RGS5: variants seen among roughly 807,000 people sequenced by gnomAD.
RGS5 encodes the protein regulator of G-protein signalling 5.
Under a neutral mutation model 18.9 loss-of-function variants are expected in RGS5, and 20 were observed. The ratio of observed to expected loss-of-function variants is 1.06; its 90% CI spans 0.74 to 1.54. The LOEUF is 1.54. Among genes scored for constraint, RGS5 ranks in the 40% most tolerant of loss-of-function variants. The pLI is 0.00. For synonymous variants in RGS5, 57 were observed against 76.2 expected, an observed-to-expected ratio of 0.75 and a Z score of 1.31; for missense variants, 201 against 211.8, an observed-to-expected ratio of 0.95 and a Z score of 0.32.
intron 1 of RGS5, among the ~76,000 whole-genome samples, chr1:163,216,827 C>G (rs1660227821): frequency 6.6e-6 from 1 of 152,158 alleles, no homozygotes; most frequent in Non-Finnish European, 1.5e-5. Flanking sequence ...TAAAGTCATT[C>G]TAAATGAAAC....
chr1:163,232,204 T>C (rs759622838), intron 2 of RGS5, among the ~76,000 whole-genome samples: 1 of 152,200 alleles, frequency 6.6e-6, no homozygotes, highest in African/African-American at 2.4e-5. Flanking sequence ...GCTAGAAGGC[T>C]AAGGGATGAA....
chr1:163,263,862 A>C (rs1213732234), intron 2 of RGS5, among the ~76,000 whole-genome samples: 1 of 151,118 alleles, frequency 6.6e-6, no homozygotes, highest in Non-Finnish European at 1.5e-5. Context: ...AGGATACTAG[A>C]TGCTCCATGC....
At chr1:163,225,426 A>T (rs1165664805) in intron 2 of RGS5, among the ~76,000 whole-genome samples, 3 of 152,148 alleles carry the variant, frequency 2.0e-5, no homozygotes, top group African/African-American at 4.8e-5. Flanking sequence ...CTTCTGCAAC[A>T]TATAGAATTA....
At chr1:163,261,039 T>C (rs1312846591) in intron 2 of RGS5, among the ~76,000 whole-genome samples, 1 of 152,216 alleles carries the variant, frequency 6.6e-6, no homozygotes, top group Non-Finnish European at 1.5e-5. Flanking sequence ...GCAGTTAAGC[T>C]TGTATAAATC....
intron 1 of RGS5, among the ~76,000 whole-genome samples, chr1:163,317,064 T>C (rs559529010): frequency 6.6e-6 from 1 of 152,248 alleles, no homozygotes; most frequent in East Asian, 1.9e-4. Flanking sequence ...CTCAGACCTC[T>C]CTTTTTGAGT....
At chr1:163,268,221 T>C (rs1484407366) in intron 2 of RGS5, among the ~76,000 whole-genome samples, 1 of 152,094 alleles carries the variant, frequency 6.6e-6, no homozygotes. Flanking sequence ...ACCCTCCTTA[T>C]TGGGACAGAG....
At chr1:163,230,882 G>A (rs1353956234) in intron 2 of RGS5, among the ~76,000 whole-genome samples, 1 of 152,170 alleles carries the variant, frequency 6.6e-6, no homozygotes, top group Non-Finnish European at 1.5e-5. Flanking sequence ...ATGTTAATCA[G>A]ATGTCCTTTT....
chr1:163,167,447 C>A (rs1189151612), intron 2 of RGS5, among the ~76,000 whole-genome samples: 1 of 152,078 alleles, frequency 6.6e-6, no homozygotes, highest in South Asian at 2.1e-4. Context: ...TGATGATGAA[C>A]GATGGGAATG....
At chr1:163,206,190 T>C (rs114477835), upstream of RGS5, among the ~76,000 whole-genome samples, 1,389 of 152,308 alleles carry the variant, frequency 9.1e-3, 19 homozygotes, top group African/African-American at 0.031. Flanking sequence ...CTAAAGTCCC[T>C]GGACTTTATA....
At chr1:163,287,051 C>T (rs1649163376) in intron 2 of RGS5, among the ~76,000 whole-genome samples, 1 of 152,130 alleles carries the variant, frequency 6.6e-6, no homozygotes, top group Non-Finnish European at 1.5e-5. Context: ...TGTTCCTCTG[C>T]TCTCGGAACA....
upstream of RGS5, among the ~76,000 whole-genome samples, chr1:163,207,799 C>A (rs1659984457): frequency 6.6e-6 from 1 of 151,724 alleles, no homozygotes; most frequent in Non-Finnish European, 1.5e-5. Context: ...AACCAGATAA[C>A]AGGTTAAATA....
At chr1:163,199,732 C>A (rs768184933) in intron 1 of RGS5, among the ~76,000 whole-genome samples, 2 of 152,082 alleles carry the variant, frequency 1.3e-5, no homozygotes, top group African/African-American at 2.4e-5. Flanking sequence ...GGTTTCAGCA[C>A]AGGGCTGGGT....
chr1:163,259,030 C>T (rs546830344), intron 2 of RGS5, among the ~76,000 whole-genome samples: 8 of 151,952 alleles, frequency 5.3e-5, no homozygotes, highest in South Asian at 2.1e-4. Flanking sequence ...AGGCAAAGAG[C>T]CAAGGTGTTC....
chr1:163,160,691 CT>C (rs1241560393), intron 3 of RGS5, among the ~76,000 whole-genome samples: 1 of 152,164 alleles, frequency 6.6e-6, no homozygotes, highest in Non-Finnish European at 1.5e-5. Context: ...AACATATATT[CT>C]TTGTCATCTA....
At chr1:163,249,146 C>T (rs982988369) in intron 2 of RGS5, among the ~76,000 whole-genome samples, 2 of 152,140 alleles carry the variant, frequency 1.3e-5, no homozygotes, top group Admixed American at 1.3e-4. Flanking sequence ...ACCTCTGCTC[C>T]CTGAGCTGGA....
At chr1:163,148,287 A>C (rs1657237118) in intron 4 of RGS5, among the ~76,000 whole-genome samples, 1 of 152,136 alleles carries the variant, frequency 6.6e-6, no homozygotes, top group South Asian at 2.1e-4. Context: ...GGAGGAATTG[A>C]ACAGAGAGAA....
At chr1:163,158,933 T>C (rs2089490) in intron 3 of RGS5, among the ~76,000 whole-genome samples, 119,036 of 152,014 alleles carry the variant, frequency 0.78, 46,928 homozygotes, top group East Asian at 0.91. Context: ...AGACAGCCGT[T>C]CCCAAAGCGG....
At chr1:163,173,935 A>G (rs986690332) in intron 1 of RGS5, among the ~76,000 whole-genome samples, 1 of 152,018 alleles carries the variant, frequency 6.6e-6, no homozygotes, top group African/African-American at 2.4e-5. Context: ...AAATTAGCCA[A>G]GCGTGGTGGC....
chr1:163,171,324 G>A lies in RGS5; in HGVS notation c.45-2956C>T, dbSNP rs561571530. Among the ~76,000 whole-genome samples, 4 of 152,212 alleles carry A rather than the reference G, an allele frequency of 2.6e-5. No individual in the cohort carries two copies. In the South Asian group the frequency reaches 8.3e-4, roughly 32 times the overall value. ...CAGTCAGAGATGCAAGGTGCACTAG[G>A]ACACAGTATCCCACCCAGTCCGTGA... On this transcript the variant is annotated intron_variant, in intron 1 of 4. Transcript: ENST00000313961.
Sources: gnomAD v4.1 joint callset for allele counts (sites outside exome capture counted in the v4.1 genomes callset) on GRCh38, gnomAD v4.1.1 for gene constraint, MANE v1.5 for transcripts, NCBI Gene and HGNC (gene_info 2026-07-23, HGNC 2026-07-21) for gene names.